FARP2: variants seen among roughly 807,000 people sequenced by gnomAD.
The protein encoded by FARP2 is FERM, ARH/RhoGEF and pleckstrin domain protein 2.
Under a neutral mutation model 130.5 loss-of-function variants are expected in FARP2, and 111 were observed. The ratio of observed to expected loss-of-function variants is 0.85; its 90% CI spans 0.73 to 1.00. FARP2 has a LOEUF of 1.00. FARP2 is among the 50% of genes least tolerant of loss of function. FARP2 has a pLI of 0.00. For missense variants in FARP2, 1,385 were observed against 1,346.3 expected (o/e 1.03, Z -0.45); for synonymous variants, 504 against 516.9 (o/e 0.98, Z 0.34).
chr2:241,393,187 T>G (rs1160632768), intron 2 of FARP2, among the ~76,000 whole-genome samples: 2 of 151,778 alleles, frequency 1.3e-5, no homozygotes, highest in Non-Finnish European at 2.9e-5. Context: ...ACCCGGCTAA[T>G]TTTTGTATTT....
intron 13 of FARP2, among the ~76,000 whole-genome samples, chr2:241,449,390 C>G (rs998236099): frequency 1.3e-5 from 2 of 152,174 alleles, no homozygotes; most frequent in Non-Finnish European, 2.9e-5. Flanking sequence ...TGAAGTCAAC[C>G]TTCAACTTGA....
chr2:241,396,958 G>GATTAAGAAAATGTGGCAC lies in FARP2; in HGVS notation c.184-6867_184-6850dup, dbSNP rs1357107415. 1.5e-3 allele frequency among the ~76,000 whole-genome samples: 233 copies of GATTAAGAAAATGTGGCAC among 152,292 alleles called. 2 individuals carry two copies. The highest frequency in any genetic ancestry group is 5.1e-3 in the African/African-American group (211 of 41,560). ...CCAAATGTCCAACAATGATAGACTG[G>GATTAAGAAAATGTGGCAC]ATTAAGAAAATGTGGCACATATACA... is the stretch of plus-strand genomic sequence containing the variant. On this transcript the variant is annotated intron_variant, in intron 2 of 26. Coordinates refer to ENST00000264042, the MANE Select transcript of FARP2 (RefSeq NM_014808.4).
chr2:241,402,836 TTATATATA>T lies in FARP2; in HGVS notation c.184-954_184-947del, dbSNP rs1215612816. On this transcript the variant is annotated intron_variant, in intron 2 of 26. Transcript: ENST00000264042. ...GTGCACGCCACTACACCCAGCTAAT[TTATATATA>T]TATATATATATATATATATATATAT... 4.8e-3 allele frequency among the ~76,000 whole-genome samples: 80 copies of T among 16,806 alleles called. 2 individuals carry two copies. The highest frequency in any genetic ancestry group is 0.017 in the South Asian group (7 of 410). The allele number at this position is 16,806 out of a possible 152,430, so 11.0% of individuals were successfully genotyped here.
At position 241,494,203 on chromosome 2, in the gene FARP2, A is replaced by C. The variant is rs999024729; in HGVS notation, c.*78A>C. On this transcript the variant is annotated 3_prime_UTR_variant, in exon 27 of 27. Transcript: ENST00000264042. The surrounding 1 kb of genome is among the most constrained non-coding windows in gnomAD (Gnocchi z 4.9). ...GGTGACCTCTGTCCTGAGGCTTCTCAACAGATGGGAAGTGGCTGTGGTCTC... is the reference window on the plus strand; with the variant it reads ...GGTGACCTCTGTCCTGAGGCTTCTCCACAGATGGGAAGTGGCTGTGGTCTC... The C allele has an allele frequency of 1.7e-5, 14 of 846,734 alleles. No individual in the cohort carries two copies. Among genetic ancestry groups the C allele is most frequent in the Non-Finnish European group, 2.3e-5 (13 of 576,158 alleles). 52.5% of individuals were successfully genotyped at this position (846,734 alleles called of 1,614,324 possible).
At chr2:241,453,052 C>T (rs185652014) in intron 13 of FARP2, among the ~76,000 whole-genome samples, 14 of 150,692 alleles carry the variant, frequency 9.3e-5, no homozygotes, top group African/African-American at 2.7e-4. Context: ...ATAATAGGGC[C>T]GGAGCGGTGG....
chr2:241,447,300 G>A (rs920751867), intron 13 of FARP2, among the ~76,000 whole-genome samples: 1 of 152,178 alleles, frequency 6.6e-6, no homozygotes, highest in African/African-American at 2.4e-5. Flanking sequence ...ACAGGGAACA[G>A]GCACCATGAC....
chr2:241,441,032 T>A (rs2063369373), intron 12 of FARP2, among the ~76,000 whole-genome samples: 1 of 152,140 alleles, frequency 6.6e-6, no homozygotes, highest in African/African-American at 2.4e-5. Context: ...GTAATTTAAT[T>A]TTAAAAACTT....
intron 14 of FARP2, among the ~76,000 whole-genome samples, chr2:241,457,767 G>A (rs907203663): frequency 6.6e-6 from 1 of 150,804 alleles, no homozygotes; most frequent in African/African-American, 2.5e-5. Flanking sequence ...GAAACATCTG[G>A]GTGCTAAGGG....
chr2:241,431,354 A>C (rs971053344), intron 8 of FARP2, among the ~76,000 whole-genome samples: 9 of 151,886 alleles, frequency 5.9e-5, no homozygotes, highest in Admixed American at 3.3e-4. Flanking sequence ...TGGTGTCTGT[A>C]GTCCCAGCTG....
intron 18 of FARP2, among the ~76,000 whole-genome samples, chr2:241,472,991 G>T (rs957850353): frequency 6.6e-6 from 1 of 151,076 alleles, no homozygotes; most frequent in Non-Finnish European, 1.5e-5. Flanking sequence ...TGGGGACCCT[G>T]TTCTGAGGGG....
At chr2:241,484,140 C>A in intron 20 of FARP2, 102 bp from the exon 21 acceptor site, 2 of 1,552,630 alleles carry the variant, frequency 1.3e-6, no homozygotes, top group South Asian at 1.2e-5. Flanking sequence ...GCAAGCTGCA[C>A]AGATCTGATG....
Position 241,413,307 on chromosome 2 carries a change from C to A in FARP2, c.509C>A (p.Ser170Ter), listed in dbSNP as rs143775411. Residue 170 changes from serine to a stop codon, truncating the protein, a stop_gained and splice_region_variant, in exon 7 of 27, where the codon TCG becomes TAG. Transcript: ENST00000264042. LOFTEE classifies it high-confidence loss of function. The part of the protein sequence containing the change: ...AALLTSHLLQ[S>*]EIGDYDETLD... ...GTTACTTACTTTTAACCTATCTCAG[C>A]GGAAATAGGAGATTACGATGAAACG... The A allele has an allele frequency of 1.7e-5, 27 of 1,594,482 alleles. No individual in the cohort carries two copies. The East Asian group carries it at 1.8e-4, about 11-fold the overall frequency.
chr2:241,382,798 A>G (rs2061692479), intron 2 of FARP2, among the ~76,000 whole-genome samples: 1 of 152,180 alleles, frequency 6.6e-6, no homozygotes, highest in Non-Finnish European at 1.5e-5. Flanking sequence ...TACAATTTTT[A>G]GTAACATCTC....
At chr2:241,485,894 CTCCCTGGGGTCCTCTT>C (rs1035434176) in intron 21 of FARP2, among the ~76,000 whole-genome samples, 2 of 152,194 alleles carry the variant, frequency 1.3e-5, no homozygotes, top group Admixed American at 6.5e-5. Context: ...GGGGTCCTCC[CTCCCTGGGGTCCTCTT>C]TCCCTGTTCT....
At chr2:241,366,138 T>TATATATAC (rs1491421503) in intron 1 of FARP2, among the ~76,000 whole-genome samples, 1 of 138,442 alleles carries the variant, frequency 7.2e-6, no homozygotes, top group African/African-American at 2.6e-5. Flanking sequence ...TATATATATA[T>TATATATAC]ACACACACAC....
intron 12 of FARP2, among the ~76,000 whole-genome samples, chr2:241,437,528 T>C (rs1434059082): frequency 1.3e-5 from 2 of 151,844 alleles, no homozygotes; most frequent in Admixed American, 6.6e-5. Context: ...TGCAGTGGCA[T>C]GATCTAGGCT....
In FARP2 at chr2:241,493,529, GT is replaced by G. The variant is rs1488068299; in HGVS notation, c.3047+89del. On this transcript the variant is annotated intron_variant, in intron 26 of 26. Transcript: ENST00000264042. Reference sequence around the variant, plus strand: ...TTTCTACTCATGGTGGTGGAGGCAAGTTTTCTGGGCCCTGGAAAGGAAGGGC... The same window carrying G: ...TTTCTACTCATGGTGGTGGAGGCAAGTTTCTGGGCCCTGGAAAGGAAGGGC... 3 of 1,294,280 alleles carry G rather than the reference GT, an allele frequency of 2.3e-6. No individual in the cohort carries two copies. The Admixed American group carries it at 5.2e-5, about 23-fold the overall frequency. The allele number at this position is 1,294,280 out of a possible 1,614,324, so 80.2% of individuals were successfully genotyped here.
In FARP2 at chr2:241,463,998, T is replaced by TACTGCCTACATG; in HGVS notation, c.1893+20_1893+31dup. ...AGTTAAAGGTAGGCTGCATGGTGAC[T>TACTGCCTACATG]ACTGCCTACATGAATGCTGTTTATG... is the stretch of plus-strand genomic sequence containing the variant. On this transcript the variant is annotated intron_variant, in intron 17 of 26. Coordinates refer to ENST00000264042, the MANE Select transcript of FARP2 (RefSeq NM_014808.4). The TACTGCCTACATG allele has an allele frequency of 1.2e-6, 2 of 1,603,782 alleles. No individual in the cohort carries two copies. The highest frequency in any genetic ancestry group is 1.7e-6 in the Non-Finnish European group (2 of 1,170,970).
chr2:241,359,467 C>T (rs2061135524), intron 1 of FARP2, among the ~76,000 whole-genome samples: 1 of 152,204 alleles, frequency 6.6e-6, no homozygotes. Flanking sequence ...AGCACAACCC[C>T]AGGCCACCTC....
Sources: gnomAD v4.1 joint callset for allele counts (sites outside exome capture counted in the v4.1 genomes callset) on GRCh38, gnomAD v4.1.1 for gene constraint, Gnocchi (gnomAD v3.1) non-coding constraint, MANE v1.5 for transcripts, NCBI Gene and HGNC (gene_info 2026-07-23, HGNC 2026-07-21) for gene names.